The following CADPS variants were observed in gnomAD, a reference collection of about 807,000 sequenced individuals.
CADPS encodes calcium-dependent secretion activator 1.
In CADPS, 57 loss-of-function variants were observed where a neutral mutation model predicts 167.3. The ratio of observed to expected loss-of-function variants is 0.34; its 90% CI spans 0.28 to 0.42. The LOEUF (loss-of-function observed/expected upper bound fraction) is 0.42. Among genes scored for constraint, CADPS ranks in the 20% least tolerant of loss-of-function variants. The pLI, the probability that CADPS is intolerant of heterozygous loss-of-function variation, is 1.00. For synonymous variants in CADPS, 676 were observed against 635.3 expected (o/e 1.06, Z -0.96); for missense variants, 1,414 against 1,738.1 (o/e 0.81, Z 3.32).
chr3:62,794,793 A>AAAAAAAAAAAAAG (rs1553689817), intron 1 of CADPS, among the ~76,000 whole-genome samples: 1 of 136,690 alleles, frequency 7.3e-6, no homozygotes, highest in Non-Finnish European at 1.5e-5. Context: ...AAAAAAAAAA[A>AAAAAAAAAAAAAG]AAAAAAAAAA....
intron 5 of CADPS, among the ~76,000 whole-genome samples, chr3:62,647,493 A>C (rs2068850845): frequency 6.6e-6 from 1 of 152,184 alleles, no homozygotes. Flanking sequence ...CCATACTTTC[A>C]AAACCATTGT....
At chr3:62,673,270 A>C (rs578241760) in intron 3 of CADPS, among the ~76,000 whole-genome samples, 1 of 152,348 alleles carries the variant, frequency 6.6e-6, no homozygotes, top group East Asian at 1.9e-4. Context: ...ATGTTTTTCC[A>C]GGCACTTAGT....
intron 6 of CADPS, among the ~76,000 whole-genome samples, chr3:62,609,199 G>T (rs1234687597): frequency 6.6e-6 from 1 of 151,266 alleles, no homozygotes; most frequent in Non-Finnish European, 1.5e-5. Context: ...AATGTTAGTT[G>T]ATCTTTTTTC....
intron 3 of CADPS, among the ~76,000 whole-genome samples, chr3:62,672,408 G>C (rs1411844122): frequency 6.6e-6 from 1 of 152,130 alleles, no homozygotes; most frequent in African/African-American, 2.4e-5. Context: ...CTTAAGACCT[G>C]TCAATAACGT....
chr3:62,739,394 G>C (rs552886903), intron 3 of CADPS, among the ~76,000 whole-genome samples: 1 of 152,278 alleles, frequency 6.6e-6, no homozygotes, highest in African/African-American at 2.4e-5. Context: ...GTATAGGCTT[G>C]TTAGCAATAA....
rs887991629 is a variant in CADPS at position 62,782,895 on chromosome 3, G to A, written c.442-16911C>T. Among the ~76,000 whole-genome samples the A allele has an allele frequency of 2.0e-5, 3 of 151,836 alleles. No individual in the cohort carries two copies. In the South Asian group the frequency reaches 6.3e-4, roughly 32 times the overall value. ...CTACCTTAGCCTCTCAAGTAGCTGG[G>A]ATTACAGGTGCCCGCCACCATGCCT... is the stretch of plus-strand genomic sequence containing the variant. On this transcript the variant is annotated intron_variant, in intron 1 of 29. Transcript: ENST00000383710.
At chr3:62,706,524 T>C (rs35370392) in intron 3 of CADPS, among the ~76,000 whole-genome samples, 12,082 of 152,126 alleles carry the variant, frequency 0.079, 635 homozygotes, top group Non-Finnish European at 0.12. Context: ...CAGAAATGTA[T>C]TGTCTCCCAA....
intron 10 of CADPS, among the ~76,000 whole-genome samples, chr3:62,551,827 C>T (rs1194000276): frequency 2.0e-5 from 3 of 152,140 alleles, no homozygotes; most frequent in Non-Finnish European, 4.4e-5. Context: ...CTGCATGATT[C>T]ACACTCTTAT....
chr3:62,506,136 T>A (rs980060399), intron 17 of CADPS, among the ~76,000 whole-genome samples: 1 of 152,196 alleles, frequency 6.6e-6, no homozygotes, highest in Non-Finnish European at 1.5e-5. Context: ...ACACCTGTAA[T>A]CCCGGCACTT....
chr3:62,485,620 C>T (rs1217468101), intron 21 of CADPS, among the ~76,000 whole-genome samples: 6 of 151,536 alleles, frequency 4.0e-5, no homozygotes, highest in African/African-American at 1.5e-4. Flanking sequence ...GATTGAAACC[C>T]TCATCTGGGG....
intron 16 of CADPS, 121 bp downstream of exon 16, chr3:62,515,938 T>C (rs1561519124): frequency 4.2e-6 from 5 of 1,197,648 alleles, no homozygotes; most frequent in Non-Finnish European, 3.5e-6. Flanking sequence ...TGCTTCCAGG[T>C]TTCAGCTTAA....
chr3:62,533,471 T>C (rs1450429883), intron 12 of CADPS, among the ~76,000 whole-genome samples: 8 of 152,158 alleles, frequency 5.3e-5, no homozygotes, highest in East Asian at 1.9e-4. Flanking sequence ...ATGCTCTACA[T>C]TGATATAGAG....
intron 1 of CADPS, among the ~76,000 whole-genome samples, chr3:62,783,751 A>G (rs1419163742): frequency 6.6e-6 from 1 of 152,268 alleles, no homozygotes; most frequent in East Asian, 1.9e-4. Flanking sequence ...CAAGTACTGT[A>G]CAAGTATAAA....
chr3:62,865,385 T>TAAAAAA (rs35780515), intron 1 of CADPS, among the ~76,000 whole-genome samples: 2 of 110,148 alleles, frequency 1.8e-5, no homozygotes, highest in African/African-American at 6.7e-5. Context: ...ACTTAAGGAT[T>TAAAAAA]AAAAAAAAAA....
chr3:62,799,002 T>G (rs1167835322), intron 1 of CADPS, among the ~76,000 whole-genome samples: 5 of 152,150 alleles, frequency 3.3e-5, no homozygotes, highest in Non-Finnish European at 2.9e-5. Context: ...CCATTCCTAG[T>G]ATTACCCTAT....
intron 11 of CADPS, 73 bp downstream of exon 11, chr3:62,549,830 G>T (rs1339752501): frequency 1.7e-6 from 2 of 1,186,478 alleles, no homozygotes; most frequent in Non-Finnish European, 1.2e-6. Flanking sequence ...AAGCAACTAG[G>T]TTTTCTAATT....
At chr3:62,784,065 T>G (rs548397624) in intron 1 of CADPS, among the ~76,000 whole-genome samples, 1 of 152,264 alleles carries the variant, frequency 6.6e-6, no homozygotes, top group Non-Finnish European at 1.5e-5. Context: ...AAGCATGAAA[T>G]GTACATGATG....
chr3:62,715,772 T>C (rs2084415147), intron 3 of CADPS, among the ~76,000 whole-genome samples: 1 of 142,636 alleles, frequency 7.0e-6, no homozygotes, highest in East Asian at 2.1e-4. Flanking sequence ...TTTTTTTTTT[T>C]TTGAGATGGA....
intron 3 of CADPS, among the ~76,000 whole-genome samples, chr3:62,704,238 C>T (rs1029773395): frequency 6.6e-6 from 1 of 152,114 alleles, no homozygotes; most frequent in Non-Finnish European, 1.5e-5. Flanking sequence ...AGTTTAATTG[C>T]ACAGGGGCAT....
Sources: allele counts gnomAD v4.1 joint callset (sites outside exome capture counted in the v4.1 genomes callset), GRCh38; gene constraint gnomAD v4.1.1; transcripts MANE v1.5; gene names NCBI Gene and HGNC (gene_info 2026-07-23, HGNC 2026-07-21).